PCDHA6: variants seen among roughly 807,000 people sequenced by gnomAD.
PCDHA6 encodes the protein protocadherin alpha-6.
A neutral mutation model predicts 60.3 loss-of-function variants in PCDHA6; 55 were observed. The ratio of observed to expected loss-of-function variants is 0.91; its 90% CI spans 0.73 to 1.14. PCDHA6 has a LOEUF of 1.14. Ranked by LOEUF, PCDHA6 falls within the 50% of genes most tolerant of loss-of-function variation. PCDHA6 has a pLI of 0.00. For synonymous variants in PCDHA6, 652 were observed against 557.9 expected (o/e 1.17, Z -2.38); for missense variants, 1,327 against 1,256.5 (o/e 1.06, Z -0.85).
chr5:140,991,503 T>C (rs975448423), intron 3 of PCDHA6, among the ~76,000 whole-genome samples: 6 of 152,246 alleles, frequency 3.9e-5, no homozygotes, highest in Non-Finnish European at 7.3e-5. Context: ...TGAGTTTCAC[T>C]GGCTAAAATC....
intron 3 of PCDHA6, 42 bp downstream of exon 3, chr5:140,982,605 A>G: frequency 1.9e-6 from 3 of 1,605,520 alleles, no homozygotes; most frequent in Non-Finnish European, 2.6e-6. Flanking sequence ...GGTTTCTGGA[A>G]AGTGATCAGA....
rs369162861 is a variant in PCDHA6 at position 140,870,379 on chromosome 5, G to T, written c.2394+39894G>T. ...GTGGGCCTATGAACTGGTGGTGACT[G>T]CGCGGGATGGGGGTTCGCCTTCTCT... On this transcript the variant is annotated intron_variant, in intron 1 of 3. Coordinates refer to ENST00000529310, the MANE Select transcript of PCDHA6 (RefSeq NM_018909.4). The T allele has an allele frequency of 8.1e-6, 13 of 1,614,100 alleles. No homozygotes were observed. In the African/African-American group the frequency reaches 1.7e-4, roughly 22 times the overall value.
At chr5:140,848,599 T>C (rs2150414040) in intron 1 of PCDHA6, 1 of 1,593,694 alleles carries the variant, frequency 6.3e-7, no homozygotes, top group Non-Finnish European at 8.6e-7. Context: ...CACTACTCCG[T>C]CCCGGAGGAA....
At chr5:140,851,673 T>C (rs2042127540) in intron 1 of PCDHA6, 1 of 917,738 alleles carries the variant, frequency 1.1e-6, no homozygotes, top group Non-Finnish European at 1.3e-6. Flanking sequence ...TAATTGAAAT[T>C]TTCTCCATTC....
chr5:141,005,662 A>G (rs2098227817), intron 3 of PCDHA6, among the ~76,000 whole-genome samples: 1 of 138,324 alleles, frequency 7.2e-6, no homozygotes, highest in East Asian at 2.2e-4. Context: ...AGATCGCGCC[A>G]CTGCACTCCA....
At chr5:140,985,065 G>A (rs189493508) in intron 3 of PCDHA6, among the ~76,000 whole-genome samples, 45 of 152,190 alleles carry the variant, frequency 3.0e-4, no homozygotes, top group Admixed American at 5.2e-4. Context: ...AGCCTCCTGA[G>A]TAGCTGAGAC....
chr5:140,892,813 T>C (rs1335475161), intron 1 of PCDHA6, among the ~76,000 whole-genome samples: 1 of 152,228 alleles, frequency 6.6e-6, no homozygotes, highest in Non-Finnish European at 1.5e-5. Context: ...ACCATATTTA[T>C]CCTACAGTGC....
At chr5:140,967,102 G>T (rs1279026258) in intron 1 of PCDHA6, 1 of 1,612,978 alleles carries the variant, frequency 6.2e-7, no homozygotes, top group African/African-American at 1.3e-5. Context: ...CGCTGTGTGA[G>T]CAGCGGCCTC....
Position 140,877,431 on chromosome 5 carries a change from C to T in PCDHA6, c.2394+46946C>T, listed in dbSNP as rs782442127. 8.1e-6 allele frequency: 13 copies of T among 1,613,836 alleles called. No homozygotes were observed. The Admixed American group carries it at 2.2e-4, about 27-fold the overall frequency. On this transcript the variant is annotated intron_variant, in intron 1 of 3. Transcript: ENST00000529310. ...ACCGCCTGCTGGTGCTGGTGAAGGA[C>T]CACGGTGAGCCCGCGCTGACGTCCA...
At chr5:140,964,841 T>G (rs2095857355) in intron 1 of PCDHA6, among the ~76,000 whole-genome samples, 2 of 152,190 alleles carry the variant, frequency 1.3e-5, no homozygotes, top group Non-Finnish European at 2.9e-5. Context: ...CTTCCTACTC[T>G]GTACCCTTGA....
chr5:140,884,014 G>T, intron 1 of PCDHA6: 2 of 1,613,168 alleles, frequency 1.2e-6, no homozygotes, highest in Non-Finnish European at 1.7e-6. Context: ...AGCTGATGCC[G>T]CGGTCGGTGG....
intron 3 of PCDHA6, among the ~76,000 whole-genome samples, chr5:141,006,584 GA>G (rs1353712503): frequency 6.6e-6 from 1 of 152,126 alleles, no homozygotes; most frequent in Non-Finnish European, 1.5e-5. Context: ...GAGGGTTGGA[GA>G]GAAGCAAAAG....
chr5:140,998,438 A>T (rs114296649), intron 3 of PCDHA6, among the ~76,000 whole-genome samples: 1,585 of 152,188 alleles, frequency 0.01, 12 homozygotes, highest in Middle Eastern at 0.058. Flanking sequence ...TAACACTATT[A>T]TTGTATTTAT....
At chr5:140,873,791 G>A (rs1330097708) in intron 1 of PCDHA6, among the ~76,000 whole-genome samples, 1 of 152,152 alleles carries the variant, frequency 6.6e-6, no homozygotes, top group Non-Finnish European at 1.5e-5. Flanking sequence ...TTTCCGAGAA[G>A]CTGGGACTAC....
intron 1 of PCDHA6, chr5:140,871,155 C>A (rs782509939): frequency 3.0e-5 from 48 of 1,613,366 alleles, no homozygotes; most frequent in Non-Finnish European, 3.9e-5. Context: ...CTTTGGCGGG[C>A]GCCGCGAGCC....
intron 1 of PCDHA6, among the ~76,000 whole-genome samples, chr5:140,971,478 A>C (rs111781444): frequency 3.5e-4 from 53 of 152,260 alleles, no homozygotes; most frequent in African/African-American, 1.3e-3. Flanking sequence ...AGAGAGTGTC[A>C]CATTGTTACA....
At chr5:140,889,240 T>C (rs782266675) in intron 1 of PCDHA6, among the ~76,000 whole-genome samples, 4 of 151,692 alleles carry the variant, frequency 2.6e-5, no homozygotes, top group Non-Finnish European at 4.4e-5. Context: ...TTCCAGAAAA[T>C]TTTCTGTTTC....
chr5:140,928,161 C>T (rs155820), intron 1 of PCDHA6: 1 of 1,613,960 alleles, frequency 6.2e-7, no homozygotes, highest in South Asian at 1.1e-5. Context: ...GTGGCTCACC[C>T]CCACTTAGCA....
At chr5:140,913,993 G>A (rs2076550293) in intron 1 of PCDHA6, among the ~76,000 whole-genome samples, 2 of 152,040 alleles carry the variant, frequency 1.3e-5, no homozygotes, top group South Asian at 4.2e-4. Flanking sequence ...ATTGTGACTA[G>A]CATATGGTCT....
Sources: gnomAD v4.1 joint callset for allele counts (sites outside exome capture counted in the v4.1 genomes callset) on GRCh38, gnomAD v4.1.1 for gene constraint, MANE v1.5 for transcripts, NCBI Gene and HGNC (gene_info 2026-07-23, HGNC 2026-07-21) for gene names.